Variants in CASK observed in about 807,000 individuals in gnomAD.
CASK encodes peripheral plasma membrane protein CASK.
Under a neutral mutation model 82.9 loss-of-function variants are expected in CASK, and 4 were observed. The ratio of observed to expected loss-of-function variants is 0.05; its 90% confidence interval spans 0.02 to 0.11. The LOEUF (loss-of-function observed/expected upper bound fraction) is 0.11. CASK is among the 10% of genes least tolerant of loss of function. CASK has a pLI of 1.00. For missense variants in CASK, 358 were observed against 720.9 expected (o/e 0.50, Z 5.76); for synonymous variants, 259 against 253.5 (o/e 1.02, Z -0.20).
chrX:41,833,425 C>G (rs1266355851), intron 2 of CASK, among the ~76,000 whole-genome samples: 1 of 110,857 alleles, frequency 9.0e-6, no homozygotes, highest in African/African-American at 3.3e-5. Flanking sequence ...ACAAAATGTC[C>G]AAAAAAGGCA....
At chrX:41,615,981 T>C (rs2147301928) in intron 11 of CASK, among the ~76,000 whole-genome samples, 1 of 111,703 alleles carries the variant, frequency 9.0e-6, no homozygotes. Context: ...TTATTAATAA[T>C]ATAAGATTAA....
intron 5 of CASK, among the ~76,000 whole-genome samples, chrX:41,718,213 A>G (rs1187474557): frequency 1.8e-5 from 2 of 113,584 alleles, no homozygotes; most frequent in Non-Finnish European, 3.7e-5. Context: ...TGGAAGCTCC[A>G]CGTCCCTCTC....
At chrX:41,695,940 C>T (rs2067681104) in intron 5 of CASK, 2 of 1,205,284 alleles carry the variant, frequency 1.7e-6, no homozygotes, top group Non-Finnish European at 2.2e-6. Context: ...AGACCTCCTA[C>T]TCATCTTCTG....
At chrX:41,529,033 C>T (rs1356550908) in intron 25 of CASK, among the ~76,000 whole-genome samples, 1 of 112,497 alleles carries the variant, frequency 8.9e-6, no homozygotes, top group Admixed American at 9.3e-5. Context: ...GGAGCAGGAC[C>T]TGGGCAATCC....
chrX:41,810,659 G>C (rs1305427421), intron 2 of CASK, among the ~76,000 whole-genome samples: 1 of 111,640 alleles, frequency 9.0e-6, no homozygotes, highest in Non-Finnish European at 1.9e-5. Flanking sequence ...ATCGATGCTA[G>C]GAAGAAATTG....
intron 5 of CASK, among the ~76,000 whole-genome samples, chrX:41,708,288 T>C: frequency 8.9e-6 from 1 of 111,734 alleles, no homozygotes; most frequent in Non-Finnish European, 1.9e-5. Flanking sequence ...ATAACATGTT[T>C]TTATTACAAG....
chrX:41,775,975 C>T (rs5917446), intron 3 of CASK, among the ~76,000 whole-genome samples: 18,033 of 105,685 alleles, frequency 0.17, 1,554 homozygotes, highest in Middle Eastern at 0.28. Flanking sequence ...GCATGGCACA[C>T]GTATACATAT....
intron 1 of CASK, among the ~76,000 whole-genome samples, chrX:41,877,590 T>C (rs182273643): frequency 2.7e-5 from 3 of 111,742 alleles, no homozygotes; most frequent in African/African-American, 6.5e-5. Flanking sequence ...TCTAACCCTC[T>C]TTTGTTTGAA....
chrX:41,868,891 G>A (rs2071642091), intron 1 of CASK, among the ~76,000 whole-genome samples: 1 of 110,987 alleles, frequency 9.0e-6, no homozygotes, highest in African/African-American at 3.3e-5. Context: ...TATCATGTCT[G>A]CCATACCAAA....
intron 1 of CASK, among the ~76,000 whole-genome samples, chrX:41,879,352 AC>A (rs2071902305): frequency 8.9e-6 from 1 of 111,757 alleles, no homozygotes; most frequent in South Asian, 3.7e-4. Flanking sequence ...TCTGATACAT[AC>A]ATACATACCT....
At chrX:41,787,116 G>C (rs956334781) in intron 3 of CASK, 62 bp downstream of exon 3, 3 of 669,514 alleles carry the variant, frequency 4.5e-6, no homozygotes, top group Admixed American at 2.2e-5. Context: ...AAAAGTGTTA[G>C]CATTATCCAA....
intron 1 of CASK, among the ~76,000 whole-genome samples, chrX:41,888,831 A>G (rs920476969): frequency 6.6e-5 from 7 of 106,652 alleles, no homozygotes; most frequent in African/African-American, 1.4e-4. Context: ...ATATGTATGT[A>G]TATATATGTG....
chrX:41,660,398 TCAGA>T, intron 8 of CASK, 37 bp downstream of exon 8: 4 of 1,128,541 alleles, frequency 3.5e-6, no homozygotes, highest in Non-Finnish European at 3.7e-6. Context: ...CTGGAAGTGT[TCAGA>T]CAAAGTGTAG....
intron 2 of CASK, among the ~76,000 whole-genome samples, chrX:41,826,716 A>T (rs2070674805): frequency 8.9e-6 from 1 of 111,848 alleles, no homozygotes; most frequent in Non-Finnish European, 1.9e-5. Flanking sequence ...ACCTCAAGTG[A>T]TCTGCCCACC....
chrX:41,641,552 T>G (rs921516827), intron 8 of CASK, among the ~76,000 whole-genome samples: 9 of 111,858 alleles, frequency 8.0e-5, no homozygotes, highest in African/African-American at 2.9e-4. Context: ...TATCATTAAT[T>G]CAGAGAGATA....
At chrX:41,793,234 A>T (rs1207588392) in intron 2 of CASK, among the ~76,000 whole-genome samples, 1 of 111,729 alleles carries the variant, frequency 9.0e-6, no homozygotes, top group African/African-American at 3.3e-5. Context: ...ATACACATAC[A>T]TATATATGCA....
intron 1 of CASK, among the ~76,000 whole-genome samples, chrX:41,884,005 T>C (rs1268062843): frequency 8.9e-6 from 1 of 111,908 alleles, no homozygotes; most frequent in Non-Finnish European, 1.9e-5. Context: ...CTCATTGTAT[T>C]TAGGCTTCCC....
chrX:41,743,591 T>C (rs2068632251), intron 4 of CASK: 1 of 292,605 alleles, frequency 3.4e-6, no homozygotes, highest in African/African-American at 2.8e-5. Context: ...GCCATAGCCA[T>C]GGCTGCTCCA....
At chrX:41,894,194 A>G (rs2072229613) in intron 1 of CASK, among the ~76,000 whole-genome samples, 1 of 111,121 alleles carries the variant, frequency 9.0e-6, no homozygotes, top group Non-Finnish European at 1.9e-5. Flanking sequence ...GAACATCAAT[A>G]AAGAAAAAGA....
Sources: gnomAD v4.1 joint callset for allele counts (sites outside exome capture counted in the v4.1 genomes callset) on GRCh38, gnomAD v4.1.1 for gene constraint, MANE v1.5 for transcripts, NCBI Gene and HGNC (gene_info 2026-07-23, HGNC 2026-07-21) for gene names.